The following DCC variants were observed in gnomAD, a reference collection of about 807,000 sequenced individuals.
DCC encodes the protein DCC netrin 1 receptor, also known as netrin receptor DCC.
Under a neutral mutation model 172.5 loss-of-function variants are expected in DCC, and 58 were observed. The observed-to-expected ratio is 0.34, with a 90% CI of 0.27 to 0.42. The LOEUF is 0.42. Among genes scored for constraint, DCC ranks in the 10% least tolerant of loss-of-function variants. The pLI is 1.00. For missense variants in DCC, 1,740 were observed against 1,791.0 expected, an observed-to-expected ratio of 0.97 and a Z score of 0.51; for synonymous variants, 709 against 644.5, an observed-to-expected ratio of 1.10 and a Z score of -1.52.
chr18:52,512,884 A>T (rs182588016), intron 1 of DCC, among the ~76,000 whole-genome samples: 7,468 of 152,194 alleles, frequency 0.049, 228 homozygotes, highest in Non-Finnish European at 0.06. Context: ...AATATGAAAA[A>T]CCCTGAAGCA....
At chr18:52,435,302 C>CGT (rs1025666686) in intron 1 of DCC, among the ~76,000 whole-genome samples, 3 of 150,602 alleles carry the variant, frequency 2.0e-5, no homozygotes, top group East Asian at 1.9e-4. Flanking sequence ...TGTGTGTGCA[C>CGT]GTGTGTGTGT....
chr18:52,696,315 T>A (rs1175277710), intron 1 of DCC, among the ~76,000 whole-genome samples: 1 of 152,190 alleles, frequency 6.6e-6, no homozygotes, highest in Non-Finnish European at 1.5e-5. Context: ...CTTTCCCTCT[T>A]CCTTCATTTC....
intron 14 of DCC, among the ~76,000 whole-genome samples, chr18:53,339,366 A>G (rs1599039149): frequency 6.6e-6 from 1 of 152,160 alleles, no homozygotes; most frequent in Non-Finnish European, 1.5e-5. Context: ...TTTCCAGTCT[A>G]TTATTCTTAC....
intron 27 of DCC, among the ~76,000 whole-genome samples, chr18:53,506,748 C>T (rs769103712): frequency 2.0e-5 from 3 of 151,768 alleles, no homozygotes; most frequent in Non-Finnish European, 4.4e-5. Flanking sequence ...ATCCCAGATA[C>T]TCAGGAGGCT....
At chr18:53,222,481 T>C (rs1482459608) in intron 12 of DCC, among the ~76,000 whole-genome samples, 1 of 147,126 alleles carries the variant, frequency 6.8e-6, no homozygotes, top group Non-Finnish European at 1.5e-5. Context: ...GCCTTCTGGG[T>C]TCAAGCAATT....
At chr18:53,453,359 G>A (rs1381479875) in intron 23 of DCC, among the ~76,000 whole-genome samples, 1 of 152,136 alleles carries the variant, frequency 6.6e-6, no homozygotes, top group African/African-American at 2.4e-5. Context: ...CCCCTCCAAA[G>A]CTCTTAGAAA....
chr18:52,883,356 G>T (rs1452465533), intron 2 of DCC, among the ~76,000 whole-genome samples: 10 of 62,482 alleles, frequency 1.6e-4, no homozygotes, highest in South Asian at 4.1e-4. Context: ...ATTTATGTGT[G>T]TGTGTGTGTG....
intron 20 of DCC, among the ~76,000 whole-genome samples, chr18:53,411,722 T>A (rs1568115222): frequency 6.6e-6 from 1 of 152,112 alleles, no homozygotes; most frequent in Non-Finnish European, 1.5e-5. Context: ...CAAGCAAGCA[T>A]TCAGCCAAAG....
chr18:53,074,704 T>A (rs958963293), intron 7 of DCC, among the ~76,000 whole-genome samples: 1 of 152,188 alleles, frequency 6.6e-6, no homozygotes, highest in African/African-American at 2.4e-5. Flanking sequence ...TCATTGATAA[T>A]CTAAGTTTGG....
At chr18:52,506,055 A>G (rs2031218467) in intron 1 of DCC, among the ~76,000 whole-genome samples, 1 of 152,198 alleles carries the variant, frequency 6.6e-6, no homozygotes, top group Non-Finnish European at 1.5e-5. Flanking sequence ...ATGTGATCAT[A>G]GCATCATCCT....
intron 1 of DCC, among the ~76,000 whole-genome samples, chr18:52,368,470 G>C (rs1984974743): frequency 6.6e-6 from 1 of 152,146 alleles, no homozygotes; most frequent in Non-Finnish European, 1.5e-5. Context: ...GCAGGTTTCA[G>C]TCCATATCCT....
intron 15 of DCC, among the ~76,000 whole-genome samples, chr18:53,363,668 G>A (rs565142101): frequency 5.3e-4 from 81 of 152,196 alleles, no homozygotes; most frequent in African/African-American, 1.9e-3. Flanking sequence ...TTTCTTCCCA[G>A]ATAAATTCCC....
intron 1 of DCC, among the ~76,000 whole-genome samples, chr18:52,506,558 A>C (rs1182516112): frequency 1.3e-5 from 2 of 152,128 alleles, no homozygotes; most frequent in Non-Finnish European, 1.5e-5. Context: ...ATTGTCTGAT[A>C]AAAGAAAATT....
chr18:52,509,748 C>A (rs930199150), intron 1 of DCC, among the ~76,000 whole-genome samples: 1 of 152,192 alleles, frequency 6.6e-6, no homozygotes, highest in Non-Finnish European at 1.5e-5. Flanking sequence ...ACTTTGAAGG[C>A]AGCAAGATCT....
chr18:52,688,187 C>G (rs867812805), intron 1 of DCC, among the ~76,000 whole-genome samples: 2 of 151,036 alleles, frequency 1.3e-5, no homozygotes, highest in Middle Eastern at 3.4e-3. Flanking sequence ...GGTCAACATA[C>G]TTCCAATTTT....
intron 1 of DCC, among the ~76,000 whole-genome samples, chr18:52,500,215 T>C (rs752742794): frequency 1.5e-4 from 23 of 152,120 alleles, no homozygotes; most frequent in Non-Finnish European, 2.4e-4. Flanking sequence ...CACCCTATAT[T>C]TCCTGGTTGA....
chr18:53,259,828 C>A (rs1033358633), intron 12 of DCC, among the ~76,000 whole-genome samples: 28 of 152,128 alleles, frequency 1.8e-4, no homozygotes, highest in African/African-American at 6.8e-4. Context: ...TTCCATTCTC[C>A]CTGTCACTTT....
chr18:53,021,519 A>G (rs2041881461), intron 5 of DCC, among the ~76,000 whole-genome samples: 1 of 151,392 alleles, frequency 6.6e-6, no homozygotes, highest in African/African-American at 2.4e-5. Context: ...GAGAGGAAGT[A>G]CTGAACAGAG....
chr18:53,379,944 T>C (rs1907589863), intron 15 of DCC, among the ~76,000 whole-genome samples: 1 of 152,220 alleles, frequency 6.6e-6, no homozygotes, highest in African/African-American at 2.4e-5. Flanking sequence ...TAAATCACAG[T>C]AAATTCAAAG....
Sources: gnomAD v4.1 joint callset for allele counts (sites outside exome capture counted in the v4.1 genomes callset) on GRCh38, gnomAD v4.1.1 for gene constraint, MANE v1.5 for transcripts, NCBI Gene and HGNC (gene_info 2026-07-23, HGNC 2026-07-21) for gene names.